The following AP2B1 variants were observed in gnomAD, a reference collection of about 807,000 sequenced individuals.
AP2B1 encodes adaptor related protein complex 2 subunit beta 1, also known as AP-2 complex subunit beta.
A neutral mutation model predicts 102.0 loss-of-function variants in AP2B1; 23 were observed. The ratio of observed to expected loss-of-function variants is 0.23; its 90% CI spans 0.16 to 0.32. AP2B1 has a LOEUF of 0.32. AP2B1 is among the 10% of genes least tolerant of loss of function. The probability of loss-of-function intolerance (pLI) is 1.00; values close to 1 mark genes in which losing one functional copy is unlikely to be tolerated. For missense variants in AP2B1, 541 were observed against 1,157.4 expected (o/e 0.47, Z 7.73); for synonymous variants, 381 against 421.2 (o/e 0.90, Z 1.17).
At chr17:35,704,199 A>G (rs1199243518) in intron 18 of AP2B1, among the ~76,000 whole-genome samples, 2 of 152,182 alleles carry the variant, frequency 1.3e-5, no homozygotes, top group African/African-American at 2.4e-5. Flanking sequence ...CACCCAAAAT[A>G]TGATTGGCAT....
rs1296667896 is a variant in AP2B1 at position 35,623,922 on chromosome 17, C to G, written c.526-475C>G. Reference sequence around the variant, plus strand: ...ATACTAGTGAACTAGGGTCTCAGGCCCACATATTCTCACTCTAAGACTTGT... The same window carrying G: ...ATACTAGTGAACTAGGGTCTCAGGCGCACATATTCTCACTCTAAGACTTGT... On this transcript the variant is annotated intron_variant, in intron 5 of 21. Coordinates refer to ENST00000610402, the MANE Select transcript of AP2B1 (RefSeq NM_001030006.2). Among the ~76,000 whole-genome samples the G allele has an allele frequency of 2.5e-4, 38 of 152,116 alleles. 1 individual carries two copies. Among genetic ancestry groups the G allele is most frequent in the Admixed American group, 2.5e-3 (38 of 15,276 alleles).
chr17:35,672,930 G>A (rs1476760858), intron 16 of AP2B1, among the ~76,000 whole-genome samples: 1 of 152,102 alleles, frequency 6.6e-6, no homozygotes, highest in Non-Finnish European at 1.5e-5. Context: ...GCCCATAGCT[G>A]TATATTTGTA....
At chr17:35,659,680 A>G (rs1434695162) in intron 14 of AP2B1, 3 of 413,472 alleles carry the variant, frequency 7.3e-6, no homozygotes, top group Non-Finnish European at 9.8e-6. Flanking sequence ...CCTTTGCTAG[A>G]TAGGCCCAGT....
intron 3 of AP2B1, chr17:35,600,887 A>C: frequency 2.0e-6 from 1 of 501,040 alleles, no homozygotes; most frequent in Non-Finnish European, 2.6e-6. Context: ...CGGGGAGCCC[A>C]GATAGAAATG....
intron 10 of AP2B1, 37 bp downstream of exon 10, chr17:35,636,493 AC>A: frequency 6.6e-7 from 1 of 1,522,022 alleles, no homozygotes; most frequent in Non-Finnish European, 9.1e-7. Context: ...TTCTCAAATT[AC>A]TTAGGAAATG....
chr17:35,591,985 A>G (rs1471565467), intron 1 of AP2B1, among the ~76,000 whole-genome samples: 1 of 152,236 alleles, frequency 6.6e-6, no homozygotes, highest in Non-Finnish European at 1.5e-5. Flanking sequence ...AAGAGCTATT[A>G]GGATCAAGAC....
chr17:35,686,458 G>GT (rs1457419649), intron 18 of AP2B1, among the ~76,000 whole-genome samples: 2 of 152,134 alleles, frequency 1.3e-5, no homozygotes, highest in Non-Finnish European at 1.5e-5. Flanking sequence ...TTTCAAGTCA[G>GT]TGTCTGCAAG....
intron 18 of AP2B1, among the ~76,000 whole-genome samples, chr17:35,704,569 G>A (rs1237735589): frequency 6.6e-6 from 1 of 152,178 alleles, no homozygotes; most frequent in East Asian, 1.9e-4. Context: ...TATTATAGGT[G>A]AGCCGGAAGT....
At chr17:35,696,060 A>G (rs1568005320) in intron 18 of AP2B1, among the ~76,000 whole-genome samples, 1 of 152,076 alleles carries the variant, frequency 6.6e-6, no homozygotes, top group Non-Finnish European at 1.5e-5. Flanking sequence ...GCAAAATCCT[A>G]CCAAAGGTCT....
At chr17:35,609,284 A>T (rs2073784078) in intron 5 of AP2B1, among the ~76,000 whole-genome samples, 1 of 151,996 alleles carries the variant, frequency 6.6e-6, no homozygotes, top group South Asian at 2.1e-4. Context: ...TCCTGGGTTC[A>T]AGCACTCCTA....
intron 3 of AP2B1, among the ~76,000 whole-genome samples, chr17:35,602,928 T>C (rs2073538741): frequency 6.6e-6 from 1 of 152,010 alleles, no homozygotes; most frequent in Non-Finnish European, 1.5e-5. Flanking sequence ...TGGTTATCGT[T>C]GTTTTGTGCA....
rs1013194428 is a variant in AP2B1, at chr17:35,639,504, G to A, written c.1272-91G>A. ...TTACAGTTTGGTGGTTTGGTTTAGGGTCCCTTGTTTGTGGTTTTGCCTTTA... is the reference window on the plus strand; with the variant it reads ...TTACAGTTTGGTGGTTTGGTTTAGGATCCCTTGTTTGTGGTTTTGCCTTTA... On this transcript the variant is annotated intron_variant, in intron 10 of 21. Transcript: ENST00000610402. 36 of 1,193,762 alleles carry A rather than the reference G, an allele frequency of 3.0e-5. No homozygotes were observed. In the Middle Eastern group the frequency reaches 2.1e-3, roughly 68 times the overall value. 73.9% of individuals were successfully genotyped at this position (1,193,762 alleles called of 1,614,324 possible). A position where few individuals can be genotyped will look rare whatever the true frequency, so the allele number is the denominator to read the frequency against.
chr17:35,650,177 T>G (rs1315199400), intron 12 of AP2B1, among the ~76,000 whole-genome samples: 1 of 152,126 alleles, frequency 6.6e-6, no homozygotes, highest in African/African-American at 2.4e-5. Context: ...CTCAAACTCC[T>G]GATCTCAAGC....
At chr17:35,587,934 T>TCCTC (rs2072951477) in intron 1 of AP2B1, 1 of 151,974 alleles carries the variant, frequency 6.6e-6, no homozygotes, top group African/African-American at 2.4e-5. Context: ...TGGAGGAGCA[T>TCCTC]ATCGCTAGAA....
At chr17:35,598,191 G>T (rs1204523727) in intron 2 of AP2B1, 39 bp from the exon 3 acceptor site, 1 of 1,309,852 alleles carries the variant, frequency 7.6e-7, no homozygotes, top group East Asian at 2.3e-5. Context: ...CTAAGTCTGT[G>T]GTACTGGAAC....
At chr17:35,626,383 A>G (rs1010199265) in intron 6 of AP2B1, among the ~76,000 whole-genome samples, 2 of 152,060 alleles carry the variant, frequency 1.3e-5, no homozygotes, top group South Asian at 2.1e-4. Flanking sequence ...CAGTTTGAAC[A>G]TCCCTTATTA....
At chr17:35,592,873 A>G (rs924927201) in intron 1 of AP2B1, among the ~76,000 whole-genome samples, 3 of 152,182 alleles carry the variant, frequency 2.0e-5, no homozygotes, top group Admixed American at 1.3e-4. Context: ...GAAGTCTGGT[A>G]CATTGGACAA....
At chr17:35,621,753 A>T (rs917443980) in intron 5 of AP2B1, among the ~76,000 whole-genome samples, 1 of 152,210 alleles carries the variant, frequency 6.6e-6, no homozygotes, top group Non-Finnish European at 1.5e-5. Flanking sequence ...CTAATTGCTC[A>T]TTCTGTTTAG....
intron 5 of AP2B1, among the ~76,000 whole-genome samples, chr17:35,609,758 T>C (rs1469798512): frequency 6.6e-6 from 1 of 152,202 alleles, no homozygotes; most frequent in African/African-American, 2.4e-5. Flanking sequence ...GTGCTTGGCC[T>C]GAATATTTTC....
Sources: allele counts gnomAD v4.1 joint callset (sites outside exome capture counted in the v4.1 genomes callset), GRCh38; gene constraint gnomAD v4.1.1; transcripts MANE v1.5; gene names NCBI Gene and HGNC (gene_info 2026-07-23, HGNC 2026-07-21).